CALN1: variants seen among roughly 807,000 people sequenced by gnomAD.
CALN1 encodes calcium-binding protein 8.
A neutral mutation model predicts 30.6 loss-of-function variants in CALN1; 17 were observed. The ratio of observed to expected loss-of-function variants is 0.56; its 90% CI spans 0.38 to 0.83. The LOEUF (loss-of-function observed/expected upper bound fraction) is 0.83. CALN1 is among the 40% of genes least tolerant of loss of function. CALN1 has a pLI of 0.00. For missense variants in CALN1, 291 were observed against 354.9 expected, an observed-to-expected ratio of 0.82 and a Z score of 1.45; for synonymous variants, 156 against 131.4, an observed-to-expected ratio of 1.19 and a Z score of -1.28.
intron 5 of CALN1, among the ~76,000 whole-genome samples, chr7:71,986,134 T>G (rs1798661888): frequency 6.6e-6 from 1 of 151,686 alleles, no homozygotes; most frequent in South Asian, 2.1e-4. Context: ...TGCAACCTCC[T>G]CCTCCCTGGT....
intron 5 of CALN1, among the ~76,000 whole-genome samples, chr7:71,843,361 G>A (rs920306217): frequency 2.6e-5 from 4 of 152,136 alleles, no homozygotes; most frequent in Admixed American, 2.6e-4. Flanking sequence ...GCTCATGCCT[G>A]TAATCCTAGC....
In CALN1 at chr7:72,287,972, G is replaced by A. The variant is rs565117640; in HGVS notation, c.120-9162C>T. Among the ~76,000 whole-genome samples, 46 of 152,064 alleles carry A rather than the reference G, an allele frequency of 3.0e-4. 1 individual carries two copies. The South Asian group carries it at 9.4e-3, about 31-fold the overall frequency. ...CTCCAAAGTGATTGGGTTATTTATT[G>A]GTATATAATAGTTATTTATTGGTAT... On this transcript the variant is annotated intron_variant, in intron 2 of 6. Transcript: ENST00000395275.
intron 5 of CALN1, among the ~76,000 whole-genome samples, chr7:71,864,992 G>C (rs1791504296): frequency 6.6e-6 from 1 of 151,992 alleles, no homozygotes; most frequent in Non-Finnish European, 1.5e-5. Context: ...GACAGAGTGA[G>C]ACCCTGTCTC....
At chr7:71,866,508 TA>T (rs1366445557) in intron 5 of CALN1, among the ~76,000 whole-genome samples, 1 of 152,162 alleles carries the variant, frequency 6.6e-6, no homozygotes, top group Non-Finnish European at 1.5e-5. Context: ...ATGTTATTGG[TA>T]AAAAACATAT....
At chr7:71,831,571 T>C (rs1298701560) in intron 5 of CALN1, among the ~76,000 whole-genome samples, 7 of 152,052 alleles carry the variant, frequency 4.6e-5, no homozygotes, top group South Asian at 2.1e-4. Flanking sequence ...ATCCACCTTA[T>C]AGAGGTTTTT....
intron 2 of CALN1, among the ~76,000 whole-genome samples, chr7:72,362,714 G>A (rs1215797292): frequency 6.6e-6 from 1 of 152,012 alleles, no homozygotes; most frequent in Admixed American, 6.6e-5. Flanking sequence ...ATTCCTCTGT[G>A]GCCCGTTGTC....
intron 3 of CALN1, among the ~76,000 whole-genome samples, chr7:72,108,444 C>T (rs1485058086): frequency 1.3e-5 from 2 of 152,200 alleles, no homozygotes; most frequent in Non-Finnish European, 2.9e-5. Flanking sequence ...AATATCTTCC[C>T]TTCTTCTTTT....
intron 5 of CALN1, among the ~76,000 whole-genome samples, chr7:71,836,262 C>CA (rs1275639723): frequency 2.6e-5 from 4 of 152,146 alleles, no homozygotes; most frequent in African/African-American, 9.7e-5. Flanking sequence ...GCTGCAACCT[C>CA]ATTGTGCAAC....
intron 2 of CALN1, among the ~76,000 whole-genome samples, chr7:72,392,620 A>G (rs151135903): frequency 6.6e-6 from 1 of 152,274 alleles, no homozygotes; most frequent in East Asian, 1.9e-4. Flanking sequence ...TTAGGGCATG[A>G]ACTCTATTGA....
intron 4 of CALN1, among the ~76,000 whole-genome samples, chr7:72,074,139 T>G (rs1165143455): frequency 6.6e-6 from 1 of 152,176 alleles, no homozygotes; most frequent in Non-Finnish European, 1.5e-5. Context: ...AACTACTGTA[T>G]TAGTCTTTCT....
chr7:72,372,136 T>C (rs1323204428), intron 2 of CALN1, among the ~76,000 whole-genome samples: 4 of 152,218 alleles, frequency 2.6e-5, no homozygotes, highest in Non-Finnish European at 4.4e-5. Context: ...ATACTCAGAA[T>C]GTGAAAATCC....
chr7:72,463,843 G>A, the CALN1 span, among the ~76,000 whole-genome samples: 25 of 152,132 alleles, frequency 1.6e-4, no homozygotes, highest in African/African-American at 5.8e-4. Context: ...TTACAGGCGT[G>A]AGCCACTTTT....
At chr7:72,204,222 C>G (rs1025098063) in intron 3 of CALN1, among the ~76,000 whole-genome samples, 1 of 151,222 alleles carries the variant, frequency 6.6e-6, no homozygotes, top group Non-Finnish European at 1.5e-5. Context: ...GTCTCCATCT[C>G]CTGACCTCGT....
At chr7:72,219,028 C>T (rs1390212687) in intron 3 of CALN1, among the ~76,000 whole-genome samples, 1 of 152,134 alleles carries the variant, frequency 6.6e-6, no homozygotes, top group Non-Finnish European at 1.5e-5. Context: ...GAAACTGCAC[C>T]CTACCTGAAT....
At chr7:71,995,283 G>A (rs1275088334) in intron 5 of CALN1, among the ~76,000 whole-genome samples, 1 of 152,236 alleles carries the variant, frequency 6.6e-6, no homozygotes, top group Non-Finnish European at 1.5e-5. Flanking sequence ...CTGGCTTCCA[G>A]GTTCCTCCTT....
intron 5 of CALN1, among the ~76,000 whole-genome samples, chr7:71,987,942 G>A (rs569546760): frequency 2.0e-5 from 3 of 152,228 alleles, no homozygotes; most frequent in East Asian, 1.9e-4. Flanking sequence ...CGAATCCAGC[G>A]GGTCCAGGGA....
chr7:72,360,974 G>C (rs1028551018), intron 2 of CALN1, among the ~76,000 whole-genome samples: 3 of 151,962 alleles, frequency 2.0e-5, no homozygotes, highest in Non-Finnish European at 4.4e-5. Context: ...TGATCTGCCT[G>C]CCTTGGGCTC....
At chr7:72,421,573 CTT>C (rs772198450) in intron 1 of CALN1, among the ~76,000 whole-genome samples, 21 of 58,614 alleles carry the variant, frequency 3.6e-4, no homozygotes, top group East Asian at 2.1e-3. Context: ...TTTTATCCTA[CTT>C]TTTTTTTTTT....
chr7:72,196,467 G>A (rs537557750), intron 3 of CALN1, among the ~76,000 whole-genome samples: 4 of 150,466 alleles, frequency 2.7e-5, no homozygotes, highest in African/African-American at 9.8e-5. Context: ...TGATTACCCT[G>A]ATGGACACAC....
Sources: allele counts gnomAD v4.1 joint callset (sites outside exome capture counted in the v4.1 genomes callset), GRCh38; gene constraint gnomAD v4.1.1; transcripts MANE v1.5; gene names NCBI Gene and HGNC (gene_info 2026-07-23, HGNC 2026-07-21).